Variants in CHST11 observed in about 807,000 individuals in gnomAD.
CHST11 encodes the protein carbohydrate sulfotransferase 11, also known as C4S-1.
A neutral mutation model predicts 30.4 loss-of-function variants in CHST11; 9 were observed. That is an observed-to-expected ratio of 0.30 (90% CI 0.18 to 0.52). The LOEUF (loss-of-function observed/expected upper bound fraction) is 0.52, where lower values mean the gene tolerates loss of function less well. Ranked by LOEUF, CHST11 falls within the 20% of genes least tolerant of loss-of-function variation. The pLI is 0.97. For synonymous variants in CHST11, 152 were observed against 187.8 expected (o/e 0.81, Z 1.56); for missense variants, 348 against 460.6 (o/e 0.76, Z 2.24).
At chr12:104,541,977 G>A (rs1405508403) in intron 1 of CHST11, among the ~76,000 whole-genome samples, 1 of 152,226 alleles carries the variant, frequency 6.6e-6, no homozygotes, top group African/African-American at 2.4e-5. Flanking sequence ...ATAACTGAAT[G>A]ATAATACCCC....
chr12:104,490,521 AT>A (rs1326804214), intron 1 of CHST11, among the ~76,000 whole-genome samples: 1 of 152,218 alleles, frequency 6.6e-6, no homozygotes, highest in South Asian at 2.1e-4. Context: ...CCATATCAGC[AT>A]TTTGCCCTGA....
intron 1 of CHST11, among the ~76,000 whole-genome samples, chr12:104,475,383 G>A: frequency 6.6e-6 from 1 of 151,902 alleles, no homozygotes; most frequent in East Asian, 1.9e-4. Flanking sequence ...TTAGTTTAGG[G>A]GAGGTCAGGG....
chr12:104,567,740 C>T (rs530685287), intron 1 of CHST11, among the ~76,000 whole-genome samples: 46 of 152,288 alleles, frequency 3.0e-4, no homozygotes, highest in Non-Finnish European at 3.7e-4. Flanking sequence ...GTGTACCCCC[C>T]ACAAATTCAA....
chr12:104,737,316 G>A (rs1256269964), intron 2 of CHST11, among the ~76,000 whole-genome samples: 1 of 152,256 alleles, frequency 6.6e-6, no homozygotes, highest in Non-Finnish European at 1.5e-5. Flanking sequence ...ATGTACTTCA[G>A]AACAGGACAG....
chr12:104,593,815 T>C (rs1398577304), intron 1 of CHST11, among the ~76,000 whole-genome samples: 1 of 152,226 alleles, frequency 6.6e-6, no homozygotes, highest in Non-Finnish European at 1.5e-5. Flanking sequence ...TAATGAAGGC[T>C]CATGTTTACT....
At chr12:104,753,806 G>A (rs2040453690) in intron 2 of CHST11, among the ~76,000 whole-genome samples, 1 of 152,146 alleles carries the variant, frequency 6.6e-6, no homozygotes, top group Non-Finnish European at 1.5e-5. Context: ...TAGAGAGGGA[G>A]GAAAGGAAGA....
intron 1 of CHST11, among the ~76,000 whole-genome samples, chr12:104,573,100 C>T (rs1565992035): frequency 6.6e-6 from 1 of 152,182 alleles, no homozygotes; most frequent in Non-Finnish European, 1.5e-5. Flanking sequence ...TGAGTGAACT[C>T]CCATTCACAA....
chr12:104,625,029 C>T (rs1358252493), intron 2 of CHST11, among the ~76,000 whole-genome samples: 2 of 152,246 alleles, frequency 1.3e-5, no homozygotes, highest in African/African-American at 2.4e-5. Context: ...AATACAGTCA[C>T]ATTGGAGGAT....
intron 1 of CHST11, among the ~76,000 whole-genome samples, chr12:104,530,584 C>T (rs974363140): frequency 3.9e-5 from 6 of 152,216 alleles, no homozygotes; most frequent in Non-Finnish European, 7.3e-5. Flanking sequence ...TGACATACTA[C>T]AGGAAAAGGT....
At chr12:104,704,220 A>G (rs1354667241) in intron 2 of CHST11, among the ~76,000 whole-genome samples, 1 of 151,258 alleles carries the variant, frequency 6.6e-6, no homozygotes, top group Admixed American at 6.6e-5. Context: ...TTCCACCCCT[A>G]CCTCCCCCCA....
At chr12:104,591,925 G>T (rs2038862362) in intron 1 of CHST11, among the ~76,000 whole-genome samples, 1 of 152,000 alleles carries the variant, frequency 6.6e-6, no homozygotes, top group Admixed American at 6.5e-5. Flanking sequence ...AAAGAGAAAG[G>T]GATGAGGCCA....
At chr12:104,589,902 G>C (rs915727771) in intron 1 of CHST11, among the ~76,000 whole-genome samples, 2 of 152,086 alleles carry the variant, frequency 1.3e-5, no homozygotes, top group East Asian at 1.9e-4. Flanking sequence ...CCAGCTACTC[G>C]GGAGGCTGAG....
chr12:104,586,661 A>G (rs1368958313), intron 1 of CHST11, among the ~76,000 whole-genome samples: 3 of 152,262 alleles, frequency 2.0e-5, no homozygotes, highest in African/African-American at 7.2e-5. Flanking sequence ...CAGGGAAGAA[A>G]GCACTTCGGC....
At chr12:104,730,060 C>A (rs550696057) in intron 2 of CHST11, among the ~76,000 whole-genome samples, 1 of 152,180 alleles carries the variant, frequency 6.6e-6, no homozygotes, top group Admixed American at 6.5e-5. Flanking sequence ...CAGCTGACAG[C>A]GGAGCTACAC....
At chr12:104,529,170 A>G (rs1456460225) in intron 1 of CHST11, among the ~76,000 whole-genome samples, 5 of 152,258 alleles carry the variant, frequency 3.3e-5, no homozygotes, top group Admixed American at 2.0e-4. Context: ...CCTGGAGACC[A>G]GAGTAACTAA....
At chr12:104,615,732 G>A (rs1421024917) in intron 2 of CHST11, among the ~76,000 whole-genome samples, 3 of 152,156 alleles carry the variant, frequency 2.0e-5, no homozygotes, top group Admixed American at 2.0e-4. Flanking sequence ...TTCAAGACCA[G>A]TCTGGCCAAC....
At chr12:104,670,471 C>CCA (rs199670859) in intron 2 of CHST11, among the ~76,000 whole-genome samples, 7,351 of 150,342 alleles carry the variant, frequency 0.049, 311 homozygotes, top group East Asian at 0.21. Context: ...ATGTTCAGAC[C>CCA]CACACACACA....
chr12:104,583,038 C>A (rs769545234), intron 1 of CHST11, among the ~76,000 whole-genome samples: 11 of 152,030 alleles, frequency 7.2e-5, no homozygotes, highest in African/African-American at 1.4e-4. Context: ...CACAAATAGA[C>A]CTGCCTGGCC....
intron 2 of CHST11, among the ~76,000 whole-genome samples, chr12:104,710,178 C>T (rs1175266572): frequency 6.6e-6 from 1 of 151,688 alleles, no homozygotes; most frequent in Non-Finnish European, 1.5e-5. Flanking sequence ...CCAGCCTGGT[C>T]CACAAAGCAA....
Sources: gnomAD v4.1 joint callset for allele counts (sites outside exome capture counted in the v4.1 genomes callset) on GRCh38, gnomAD v4.1.1 for gene constraint, MANE v1.5 for transcripts, NCBI Gene and HGNC (gene_info 2026-07-23, HGNC 2026-07-21) for gene names.